VWA8: variants seen among roughly 807,000 people sequenced by gnomAD.
The protein encoded by VWA8 is von Willebrand factor A domain containing 8.
Under a neutral mutation model 241.5 loss-of-function variants are expected in VWA8, and 221 were observed. That is an observed-to-expected ratio of 0.91 (90% CI 0.82 to 1.02). The LOEUF is 1.02. Ranked by LOEUF, VWA8 falls within the 50% of genes least tolerant of loss-of-function variation. The pLI is 0.00. For missense variants in VWA8, 2,322 were observed against 2,328.7 expected (o/e 1.00, Z 0.06); for synonymous variants, 852 against 827.1 (o/e 1.03, Z -0.52).
intron 4 of VWA8, among the ~76,000 whole-genome samples, chr13:41,893,591 A>C (rs1459705549): frequency 1.3e-5 from 2 of 152,194 alleles, no homozygotes; most frequent in Non-Finnish European, 1.5e-5. Context: ...GGGATATTAA[A>C]AGTCAAAATA....
intron 4 of VWA8, among the ~76,000 whole-genome samples, chr13:41,896,920 A>G (rs1004197414): frequency 5.3e-5 from 8 of 152,228 alleles, no homozygotes; most frequent in South Asian, 4.1e-4. Flanking sequence ...AAAGGAAATG[A>G]TAAGTGTACA....
intron 10 of VWA8, 88 bp from the exon 11 acceptor site, chr13:41,866,124 G>A (rs1873288866): frequency 1.3e-6 from 2 of 1,528,138 alleles, no homozygotes; most frequent in South Asian, 2.4e-5. Flanking sequence ...AAGGCAGGCA[G>A]ATCACTTGAG....
At chr13:41,758,388 ATATACGCTAG>A (rs1209941350) in intron 21 of VWA8, among the ~76,000 whole-genome samples, 621 of 15,600 alleles carry the variant, frequency 0.04, 65 homozygotes, top group South Asian at 0.091. Context: ...ATATATATAT[ATATACGCTAG>A]TATATATATA....
intron 20 of VWA8, among the ~76,000 whole-genome samples, chr13:41,773,290 A>G (rs1334907518): frequency 6.6e-6 from 1 of 152,152 alleles, no homozygotes; most frequent in Non-Finnish European, 1.5e-5. Flanking sequence ...ATCTTCTTTG[A>G]TTGTCTTGTT....
chr13:41,675,121 A>G lies in VWA8; in HGVS notation c.4409+94T>C, dbSNP rs528996668. ...AAAAAAAAGAGCTTGCTATTTAAAGAAGCAAAAAAGTACTCATTTATTCAG... is the reference window on the plus strand; with the variant it reads ...AAAAAAAAGAGCTTGCTATTTAAAGGAGCAAAAAAGTACTCATTTATTCAG... On this transcript the variant is annotated intron_variant, in intron 36 of 44. Coordinates refer to ENST00000379310, the MANE Select transcript of VWA8 (RefSeq NM_015058.2). 9 of 789,422 alleles carry G rather than the reference A, an allele frequency of 1.1e-5. No individual in the cohort carries two copies. In the South Asian group the frequency reaches 1.7e-4, roughly 15 times the overall value. The allele number at this position is 789,422 out of a possible 1,614,324, so 48.9% of individuals were successfully genotyped here.
At chr13:41,633,763 C>A (rs2044739888) in intron 37 of VWA8, among the ~76,000 whole-genome samples, 1 of 152,128 alleles carries the variant, frequency 6.6e-6, no homozygotes, top group Non-Finnish European at 1.5e-5. Flanking sequence ...CACATAATGA[C>A]TGTAATTAAT....
In VWA8 at chr13:41,886,799, G is replaced by A; in HGVS notation, c.848C>T (p.Ala283Val). The A allele has an allele frequency of 6.3e-7, 1 of 1,591,984 alleles. No homozygotes were observed. Among genetic ancestry groups the A allele is most frequent in the Non-Finnish European group, 8.5e-7 (1 of 1,172,582 alleles). ...DQLKLLYSIG[A>V]NVSAEKVSQL... ...TACTTACTTCTCAGCAGAAACATTG[G>A]CTCCAATTGAATATAACAACTTAAG... Residue 283 changes from alanine (A) to valine (V), a missense_variant, in exon 7 of 45, where the codon GCC becomes GTC. By Grantham distance (64) the Ala-to-Val change is moderately conservative. Coordinates refer to ENST00000379310, the MANE Select transcript of VWA8 (RefSeq NM_015058.2).
intron 1 of VWA8, among the ~76,000 whole-genome samples, chr13:41,952,498 T>TA (rs1878179838): frequency 6.6e-6 from 1 of 152,232 alleles, no homozygotes; most frequent in Non-Finnish European, 1.5e-5. Context: ...GAATTATAGT[T>TA]ACAGTATTTT....
chr13:41,780,695 T>A (rs1037836184), intron 19 of VWA8, among the ~76,000 whole-genome samples: 2 of 152,214 alleles, frequency 1.3e-5, no homozygotes, highest in African/African-American at 4.8e-5. Flanking sequence ...CTGACACTTC[T>A]TTGTTCAAAA....
intron 21 of VWA8, among the ~76,000 whole-genome samples, chr13:41,742,429 A>C (rs544962447): frequency 1.3e-5 from 2 of 152,352 alleles, no homozygotes; most frequent in Non-Finnish European, 2.9e-5. Flanking sequence ...ATTGTGATAA[A>C]AAATGACAGG....
chr13:41,905,494 T>C (rs904287802), intron 4 of VWA8, among the ~76,000 whole-genome samples: 1 of 152,096 alleles, frequency 6.6e-6, no homozygotes, highest in Admixed American at 6.6e-5. Flanking sequence ...CTATAAATTA[T>C]TTAAAATTTT....
intron 4 of VWA8, among the ~76,000 whole-genome samples, chr13:41,895,192 C>T (rs558464242): frequency 3.3e-5 from 5 of 152,094 alleles, no homozygotes; most frequent in Admixed American, 3.3e-4. Flanking sequence ...ACATATCAGG[C>T]GCTTCCAAGT....
intron 24 of VWA8, among the ~76,000 whole-genome samples, chr13:41,722,195 T>C (rs2045398333): frequency 6.6e-6 from 1 of 152,156 alleles, no homozygotes; most frequent in Non-Finnish European, 1.5e-5. Context: ...GAATATACTT[T>C]AGAGGTTAGT....
chr13:41,898,375 A>C (rs1875238713), intron 4 of VWA8, among the ~76,000 whole-genome samples: 1 of 151,820 alleles, frequency 6.6e-6, no homozygotes, highest in Non-Finnish European at 1.5e-5. Flanking sequence ...GCCCCACCAG[A>C]GCAGCTAGAT....
At chr13:41,721,690 C>G (rs1169666910) in intron 24 of VWA8, 115 bp from the exon 25 acceptor site, 1 of 1,091,128 alleles carries the variant, frequency 9.2e-7, no homozygotes, top group East Asian at 2.5e-5. Flanking sequence ...CATAGAAAGC[C>G]CATCCAACAA....
intron 17 of VWA8, among the ~76,000 whole-genome samples, chr13:41,800,952 C>G (rs1869931013): frequency 6.6e-6 from 1 of 151,918 alleles, no homozygotes; most frequent in South Asian, 2.1e-4. Flanking sequence ...AGAAATGCGT[C>G]CCTTAATTTT....
intron 12 of VWA8, among the ~76,000 whole-genome samples, chr13:41,841,921 TTTCCAAAGGAAACTAGCTGAA>T (rs1872075949): frequency 7.0e-6 from 1 of 142,984 alleles, no homozygotes; most frequent in South Asian, 2.2e-4. Context: ...ATGATTTTGT[TTTCCAAAGGAAACTAGCTGAA>T]TTTCTGTAGG....
chr13:41,642,205 T>C (rs2044800033), intron 37 of VWA8, among the ~76,000 whole-genome samples: 1 of 152,176 alleles, frequency 6.6e-6, no homozygotes, highest in South Asian at 2.1e-4. Flanking sequence ...CATCTCACCA[T>C]TTGATAGAAA....
In VWA8 at chr13:41,587,632, C is replaced by A; in HGVS notation, c.5151G>T (p.Leu1717=). Residue 1717 remains leucine (L), a synonymous_variant, in exon 42 of 45, where the codon CTG becomes CTT. Transcript: ENST00000379310. ...ACATGCTACCAGACACATCTACCAC[C>A]AGGCGCAGACGCTTGGGTTTCTGTT... The part of the protein sequence containing the change: ...SPQQKPKRLR[L]VVDVSGSMYR... The A allele has an allele frequency of 6.2e-7, 1 of 1,614,206 alleles. No individual in the cohort carries two copies. Among genetic ancestry groups the A allele is most frequent in the Non-Finnish European group, 8.5e-7 (1 of 1,180,040 alleles).
Sources: allele counts gnomAD v4.1 joint callset (sites outside exome capture counted in the v4.1 genomes callset), GRCh38; gene constraint gnomAD v4.1.1; transcripts MANE v1.5; gene names NCBI Gene and HGNC (gene_info 2026-07-23, HGNC 2026-07-21).